CLK3: variants seen among roughly 807,000 people sequenced by gnomAD.
The protein encoded by CLK3 is CDC like kinase 3.
CLK3 carries 24 observed loss-of-function variants against 65.2 expected under a neutral mutation model. The observed-to-expected ratio is 0.37, with a 90% CI of 0.27 to 0.52. The LOEUF (loss-of-function observed/expected upper bound fraction) is 0.52. Ranked by LOEUF, CLK3 falls within the 20% of genes least tolerant of loss-of-function variation. The pLI is 0.92. For synonymous variants in CLK3, 252 were observed against 240.8 expected, an observed-to-expected ratio of 1.05 and a Z score of -0.43; for missense variants, 506 against 660.0, an observed-to-expected ratio of 0.77 and a Z score of 2.56.
intron 5 of CLK3, chr15:74,623,728 G>A (rs2141546413): frequency 6.6e-6 from 1 of 152,400 alleles, no homozygotes; most frequent in South Asian, 2.1e-4. Flanking sequence ...TGAGCCTCTG[G>A]AGTCACTAGG....
rs572982646 is a variant in CLK3 at position 74,629,666 on chromosome 15, G to A, written c.1297-41G>A. The A allele has an allele frequency of 8.7e-5, 135 of 1,549,582 alleles. 2 individuals carry two copies. In the South Asian group the frequency reaches 1.3e-3, roughly 15 times the overall value. On this transcript the variant is annotated intron_variant, in intron 12 of 12. Coordinates refer to ENST00000395066, the MANE Select transcript of CLK3 (RefSeq NM_001130028.2). ...AAGGGGACCTGCTGTGGCTTCCCAC[G>A]ACCCTGCCGTCACACTGAGGCACCT... is the stretch of plus-strand genomic sequence containing the variant.
intron 5 of CLK3, among the ~76,000 whole-genome samples, chr15:74,623,125 G>A (rs2062116552): frequency 6.6e-6 from 1 of 152,150 alleles, no homozygotes; most frequent in African/African-American, 2.4e-5. Context: ...ATACCTGTGT[G>A]TGTCATGCTG....
rs2062179143 is a variant in CLK3, at chr15:74,629,813, T to C, written c.1403T>C (p.Leu468Pro). The C allele has an allele frequency of 1.2e-6, 2 of 1,613,070 alleles. No homozygotes were observed. The highest frequency in any genetic ancestry group is 2.7e-5 in the African/African-American group (2 of 74,896). Reference protein sequence around the residue: ...AQRITLAEALLHPFFAGLTPE... With the variant: ...AQRITLAEALPHPFFAGLTPE... Reference sequence around the variant, plus strand: ...CGCATCACACTGGCCGAGGCCCTGCTGCACCCCTTCTTTGCTGGCCTGACC... The same window carrying C: ...CGCATCACACTGGCCGAGGCCCTGCCGCACCCCTTCTTTGCTGGCCTGACC... Residue 468 changes from leucine (L) to proline (P), a missense_variant, in exon 13 of 13, where the codon CTG becomes CCG. This residue lies in a region of CLK3 where 325 missense variants were observed against 500.5 expected (regional missense o/e 0.65). Transcript: ENST00000395066.
At chr15:74,626,015 GC>G in intron 7 of CLK3, 47 bp downstream of exon 7, 1 of 1,596,548 alleles carries the variant, frequency 6.3e-7, no homozygotes, top group Non-Finnish European at 8.6e-7. Flanking sequence ...CATGCCTGCA[GC>G]CAAGTCATCT....
At chr15:74,613,621 G>C (rs1274630568), upstream of CLK3, 1 of 152,200 alleles carries the variant, frequency 6.6e-6, no homozygotes, top group Non-Finnish European at 1.5e-5. Flanking sequence ...TCAGTGGTGG[G>C]CAGTTTTGTG....
In CLK3 at chr15:74,620,245, TGCTGGCTGGG is replaced by T; in HGVS notation, c.369+24_369+33del. ...TCCTCGGTGAGTGGTAGCCAGAGTG[TGCTGGCTGGG>T]GCTTAAAGGCCTCATCTCTTCCTAG... On this transcript the variant is annotated intron_variant, in intron 3 of 12. Transcript: ENST00000395066. 1 of 1,613,258 alleles carries T rather than the reference TGCTGGCTGGG, an allele frequency of 6.2e-7. No individual in the cohort carries two copies. Among genetic ancestry groups the T allele is most frequent in the Non-Finnish European group, 8.5e-7 (1 of 1,179,580 alleles).
At chr15:74,617,031 G>A (rs1411466695) in intron 1 of CLK3, among the ~76,000 whole-genome samples, 1 of 152,226 alleles carries the variant, frequency 6.6e-6, no homozygotes, top group Non-Finnish European at 1.5e-5. Context: ...AGCCCTGGCT[G>A]GGAGGATGAT....
intron 11 of CLK3, 78 bp downstream of exon 11, chr15:74,628,761 T>C: frequency 7.9e-7 from 1 of 1,268,782 alleles, no homozygotes; most frequent in East Asian, 2.3e-5. Flanking sequence ...GGGTACTGGA[T>C]GTGGTGAGTC....
In CLK3 at chr15:74,627,408, G is replaced by T; in HGVS notation, c.874G>T (p.Val292Leu). The part of the protein sequence containing the change: ...TDLKPENILF[V>L]NSEFETLYNE... The stretch of plus-strand genomic sequence containing the variant: ...CTTGAAACCAGAGAACATCCTGTTT[G>T]TGAATTCTGAGTTTGAAACCCTCTA... The change falls in exon 8 of 13, where the codon GTG (valine) becomes TTG (leucine). Residue 292 changes from valine to leucine, a missense_variant. Physicochemically the swap from Val to Leu is conservative, Grantham distance 32. Transcript: ENST00000395066. The surrounding 1 kb of genome is among the most constrained non-coding windows in gnomAD (Gnocchi z 4.3). 1 of 1,614,208 alleles carries T rather than the reference G, an allele frequency of 6.2e-7. No individual in the cohort carries two copies. Among genetic ancestry groups the T allele is most frequent in the Non-Finnish European group, 8.5e-7 (1 of 1,180,028 alleles).
At chr15:74,618,314 G>A (rs2062075953) in intron 1 of CLK3, among the ~76,000 whole-genome samples, 1 of 152,182 alleles carries the variant, frequency 6.6e-6, no homozygotes, top group East Asian at 1.9e-4. Context: ...TTCATTTGGT[G>A]GATATAAGTC....
chr15:74,624,861 C>A lies in CLK3; in HGVS notation c.534-41C>A. The A allele has an allele frequency of 1.4e-6, 2 of 1,443,702 alleles. No homozygotes were observed. Among genetic ancestry groups the A allele is most frequent in the Non-Finnish European group, 1.9e-6 (2 of 1,037,692 alleles). The allele number at this position is 1,443,702 out of a possible 1,614,324, so 89.4% of individuals were successfully genotyped here. ...GGTGGAGGGTTGGGGAAGGACTGGG[C>A]AGCTGCTGATGAGAACCTCTGTTTC... On this transcript the variant is annotated intron_variant, in intron 5 of 12. Transcript: ENST00000395066. This position sits in a 1 kb window ranked among gnomAD's most constrained non-coding sequence, Gnocchi z 4.2.
rs1263376819 is a variant in CLK3 at position 74,627,328 on chromosome 15, C to G, written c.818-24C>G. 4.4e-6 allele frequency: 7 copies of G among 1,590,818 alleles called. No homozygotes were observed. Among genetic ancestry groups the G allele is most frequent in the East Asian group, 4.5e-5 (2 of 44,740 alleles). On this transcript the variant is annotated intron_variant, in intron 7 of 12. Transcript: ENST00000395066. The surrounding 1 kb of genome is among the most constrained non-coding windows in gnomAD (Gnocchi z 4.3). ...AGAGCCAGCTTCTCAGTGCCTACTT[C>G]CCCTTCTTTCCCTGCTACCTTAGTT...
intron 12 of CLK3, chr15:74,629,412 C>T (rs988034826): frequency 1.7e-5 from 9 of 539,076 alleles, no homozygotes; most frequent in African/African-American, 9.5e-5. Flanking sequence ...ATTTGGTGCT[C>T]GGACAAGTGA....
intron 2 of CLK3, 71 bp from the exon 3 acceptor site, chr15:74,619,938 C>G: frequency 7.5e-6 from 12 of 1,605,334 alleles, no homozygotes; most frequent in Non-Finnish European, 1.0e-5. Context: ...TTACAGTGGC[C>G]TTACCACAGG....
At chr15:74,626,513 A>C (rs1448440737) in intron 7 of CLK3, among the ~76,000 whole-genome samples, 5 of 152,068 alleles carry the variant, frequency 3.3e-5, no homozygotes, top group Admixed American at 6.5e-5. Flanking sequence ...TCGCTCCCCT[A>C]CCCTGAGCAC....
At position 74,622,723 on chromosome 15, in the gene CLK3, C is replaced by T. The variant is rs1463726760; in HGVS notation, c.533+163C>T. Among the ~76,000 whole-genome samples the T allele has an allele frequency of 1.3e-5, 2 of 152,038 alleles. No individual in the cohort carries two copies. Among genetic ancestry groups the T allele is most frequent in the South Asian group, 2.1e-4 (1 of 4,824 alleles). On this transcript the variant is annotated intron_variant, in intron 5 of 12. Transcript: ENST00000395066. The surrounding 1 kb of genome is among the most constrained non-coding windows in gnomAD (Gnocchi z 4.6). ...CTGTCCATGTTGGGGTTTTGCTGAC[C>T]CCCTGTAATAAGGGAGAAATTCTTG...
rs771843967 is a variant in CLK3, at chr15:74,619,231, C to T, written c.35C>T (p.Pro12Leu). Residue 12 changes from proline (P) to leucine (L), a missense_variant, in exon 2 of 13, where the codon CCA (proline) becomes CTA (leucine). By Grantham distance (98) the Pro-to-Leu change is moderately conservative (BLOSUM62 -3). This residue lies in a region of CLK3 where 181 missense variants were observed against 159.4 expected (regional missense o/e 1.14). Transcript: ENST00000395066. ...TGTAAGCGATACCGCTCCCCTGAAC[C>T]AGACCCGTACCTGAGCTACCGATGG... ...HHCKRYRSPE[P>L]DPYLSYRWKR... 14 of 1,614,202 alleles carry T rather than the reference C, an allele frequency of 8.7e-6. No homozygotes were observed. In the South Asian group the frequency reaches 1.2e-4, roughly 14 times the overall value.
Position 74,628,048 on chromosome 15 carries a change from TC to T in CLK3, c.1123del (p.Gln375ArgfsTer10). On this transcript the variant is annotated frameshift_variant, in exon 10 of 13. Transcript: ENST00000395066. LOFTEE classifies it high-confidence loss of function. ...GAGTACTACCGGGGCTTCACACTCTTCCAGGTACAGCCACCCTGCATTGGTC... is the reference window on the plus strand; with the variant it reads ...GAGTACTACCGGGGCTTCACACTCTTCAGGTACAGCCACCCTGCATTGGTC... ...LFEYYRGFTL[F>X]QTHENREHLV... 6.2e-7 allele frequency: 1 copy of T among 1,608,616 alleles called. No individual in the cohort carries two copies. Among genetic ancestry groups the T allele is most frequent in the Non-Finnish European group, 8.5e-7 (1 of 1,174,972 alleles).
rs374366533 is a variant in CLK3, at chr15:74,620,233, G to A, written c.369+8G>A. The A allele has an allele frequency of 1.4e-5, 23 of 1,613,648 alleles. No individual in the cohort carries two copies. The highest frequency in any genetic ancestry group is 1.9e-5 in the Non-Finnish European group (23 of 1,179,904). ...TGTAGCAGCGCCTCCTCGGTGAGTG[G>A]TAGCCAGAGTGTGCTGGCTGGGGCT... is the stretch of plus-strand genomic sequence containing the variant. On this transcript the variant is annotated splice_region_variant and intron_variant, in intron 3 of 12. Coordinates refer to ENST00000395066, the MANE Select transcript of CLK3 (RefSeq NM_001130028.2).
Sources: allele counts gnomAD v4.1 joint callset (sites outside exome capture counted in the v4.1 genomes callset), GRCh38; gene constraint gnomAD v4.1.1; regional missense constraint gnomAD v4.1.1; non-coding constraint Gnocchi (gnomAD v3.1); transcripts MANE v1.5; gene names NCBI Gene and HGNC (gene_info 2026-07-23, HGNC 2026-07-21).